The following PRKCE variants were observed in gnomAD, a reference collection of about 807,000 sequenced individuals.
PRKCE encodes protein kinase C epsilon, also known as protein kinase C epsilon type.
PRKCE carries 16 observed loss-of-function variants against 85.4 expected under a neutral mutation model. The observed-to-expected ratio is 0.19, with a 90% CI of 0.13 to 0.28. The LOEUF (loss-of-function observed/expected upper bound fraction) is 0.28, where lower values mean the gene tolerates loss of function less well. Ranked by LOEUF, PRKCE falls within the 10% of genes least tolerant of loss-of-function variation. PRKCE has a pLI of 1.00. For synonymous variants in PRKCE, 388 were observed against 371.5 expected, an observed-to-expected ratio of 1.04 and a Z score of -0.51; for missense variants, 573 against 975.2, an observed-to-expected ratio of 0.59 and a Z score of 5.49.
chr2:45,736,170 G>T (rs995046402), intron 1 of PRKCE, among the ~76,000 whole-genome samples: 1 of 151,964 alleles, frequency 6.6e-6, no homozygotes, highest in Non-Finnish European at 1.5e-5. Context: ...CATGTTGGCT[G>T]GGCTGGTCTT....
chr2:46,103,120 CATAG>C (rs371985021), intron 11 of PRKCE, among the ~76,000 whole-genome samples: 130 of 152,276 alleles, frequency 8.5e-4, no homozygotes, highest in African/African-American at 2.8e-3. Flanking sequence ...AATATGAACT[CATAG>C]ATAGTTATTT....
intron 1 of PRKCE, among the ~76,000 whole-genome samples, chr2:45,793,764 T>C (rs191790123): frequency 1.3e-5 from 2 of 152,312 alleles, no homozygotes; most frequent in Admixed American, 1.3e-4. Context: ...TCCCCCTAGA[T>C]ATGTTTGGAA....
At chr2:45,661,653 C>T (rs994936760) in intron 1 of PRKCE, among the ~76,000 whole-genome samples, 1 of 150,660 alleles carries the variant, frequency 6.6e-6, no homozygotes, top group African/African-American at 2.4e-5. Context: ...CTCAGCCTCC[C>T]GAGTAGCTGG....
intron 1 of PRKCE, among the ~76,000 whole-genome samples, chr2:45,696,472 C>G (rs1036705810): frequency 2.6e-5 from 4 of 152,070 alleles, no homozygotes; most frequent in Non-Finnish European, 5.9e-5. Context: ...CTGCTCACTT[C>G]GAGTTTCCCT....
At chr2:45,923,397 G>C (rs2595188) in intron 2 of PRKCE, among the ~76,000 whole-genome samples, 2 of 152,224 alleles carry the variant, frequency 1.3e-5, no homozygotes, top group African/African-American at 4.8e-5. Flanking sequence ...TCAGCCAACT[G>C]CCTGAGGCTC....
intron 1 of PRKCE, among the ~76,000 whole-genome samples, chr2:45,686,811 C>T (rs192845574): frequency 1.2e-4 from 19 of 152,112 alleles, no homozygotes; most frequent in Admixed American, 9.2e-4. Flanking sequence ...AAATTGGCGT[C>T]CAGAGCTAGA....
chr2:46,144,452 C>T (rs918065467), intron 11 of PRKCE, among the ~76,000 whole-genome samples: 6 of 152,176 alleles, frequency 3.9e-5, no homozygotes, highest in African/African-American at 1.4e-4. Context: ...TCTCTGGCCT[C>T]CTCACTACCT....
intron 1 of PRKCE, among the ~76,000 whole-genome samples, chr2:45,820,703 GA>G (rs2105330654): frequency 6.6e-6 from 1 of 152,274 alleles, no homozygotes; most frequent in African/African-American, 2.4e-5. Flanking sequence ...TTTTCAAACT[GA>G]AAGCTTCTCT....
intron 2 of PRKCE, among the ~76,000 whole-genome samples, chr2:45,902,121 T>G (rs972053410): frequency 1.8e-4 from 27 of 152,162 alleles, no homozygotes; most frequent in Non-Finnish European, 3.5e-4. Flanking sequence ...CCACTCCCAC[T>G]TGGGTTTGAA....
At position 46,010,325 on chromosome 2, in the gene PRKCE, G is replaced by A. The variant is rs1249035062; in HGVS notation, c.1264-19G>A. 6.3e-7 allele frequency: 1 copy of A among 1,579,392 alleles called. No individual in the cohort carries two copies. The highest frequency in any genetic ancestry group is 2.3e-5 in the East Asian group (1 of 44,430). Reference sequence around the variant, plus strand: ...TTCCATACATGCATAGATTGATGGAGGCAATTGATTGATTGCAGGTCATGT... The same window carrying A: ...TTCCATACATGCATAGATTGATGGAAGCAATTGATTGATTGCAGGTCATGT... On this transcript the variant is annotated intron_variant, in intron 9 of 14. Transcript: ENST00000306156.
intron 1 of PRKCE, among the ~76,000 whole-genome samples, chr2:45,686,064 T>C (rs1677275561): frequency 6.6e-6 from 1 of 152,154 alleles, no homozygotes. Context: ...CCTTATCTTG[T>C]ATATGTCCTG....
intron 1 of PRKCE, among the ~76,000 whole-genome samples, chr2:45,722,743 G>A (rs1381692343): frequency 2.6e-5 from 4 of 152,176 alleles, no homozygotes; most frequent in Non-Finnish European, 4.4e-5. Context: ...CCTTGTATAT[G>A]TAACAAAAGC....
At position 45,895,420 on chromosome 2, in the gene PRKCE, G is replaced by A. The variant is rs368969701; in HGVS notation, c.412+52357G>A. On this transcript the variant is annotated intron_variant, in intron 2 of 14. Coordinates refer to ENST00000306156, the MANE Select transcript of PRKCE (RefSeq NM_005400.3). This position sits in a 1 kb window ranked among gnomAD's most constrained non-coding sequence, Gnocchi z 4.8. ...TGAGGGGAGGCCTAACTGCCTCTCC[G>A]CACCCTGATGTCATCTGGCTGGTCC... Among the ~76,000 whole-genome samples the A allele has an allele frequency of 4.6e-5, 7 of 152,122 alleles. No homozygotes were observed. Among genetic ancestry groups the A allele is most frequent in the South Asian group, 2.1e-4 (1 of 4,814 alleles).
At chr2:46,093,096 C>G (rs1670338925) in intron 11 of PRKCE, among the ~76,000 whole-genome samples, 1 of 152,140 alleles carries the variant, frequency 6.6e-6, no homozygotes, top group Non-Finnish European at 1.5e-5. Flanking sequence ...TCTTAGCTGT[C>G]AGCGTTACCC....
At chr2:45,969,718 A>T (rs1701982465) in intron 2 of PRKCE, among the ~76,000 whole-genome samples, 1 of 152,258 alleles carries the variant, frequency 6.6e-6, no homozygotes, top group African/African-American at 2.4e-5. Flanking sequence ...TTAAAAAGTC[A>T]CTAAAGAGCA....
At chr2:45,936,484 C>G (rs1558857006) in intron 2 of PRKCE, among the ~76,000 whole-genome samples, 1 of 152,200 alleles carries the variant, frequency 6.6e-6, no homozygotes, top group Non-Finnish European at 1.5e-5. Context: ...CGCCTCTGCC[C>G]TCACTGTCCT....
chr2:45,763,267 T>C (rs1448470478), intron 1 of PRKCE, among the ~76,000 whole-genome samples: 1 of 152,194 alleles, frequency 6.6e-6, no homozygotes, highest in African/African-American at 2.4e-5. Context: ...AGGTGTTCTT[T>C]CTTTGGCCAG....
chr2:46,012,700 G>A (rs148783457), intron 10 of PRKCE, among the ~76,000 whole-genome samples: 48 of 152,320 alleles, frequency 3.2e-4, no homozygotes, highest in African/African-American at 1.2e-3. Context: ...GTGGATCATG[G>A]GAAGCCACGT....
chr2:46,117,520 TC>T (rs895822887), intron 11 of PRKCE, among the ~76,000 whole-genome samples: 1 of 152,182 alleles, frequency 6.6e-6, no homozygotes, highest in African/African-American at 2.4e-5. Context: ...ATTTCCGGGC[TC>T]CCCATGGTAC....
Sources: allele counts gnomAD v4.1 joint callset (sites outside exome capture counted in the v4.1 genomes callset), GRCh38; gene constraint gnomAD v4.1.1; non-coding constraint Gnocchi (gnomAD v3.1); transcripts MANE v1.5; gene names NCBI Gene and HGNC (gene_info 2026-07-23, HGNC 2026-07-21).